Variants in GRIP1 observed in about 807,000 individuals in gnomAD.
GRIP1 encodes the protein glutamate receptor-interacting protein 1.
In GRIP1, 45 loss-of-function variants were observed where a neutral mutation model predicts 129.9. The observed-to-expected ratio is 0.35, with a 90% confidence interval of 0.27 to 0.44. The LOEUF is 0.44. GRIP1 is among the 20% of genes least tolerant of loss of function. The probability of loss-of-function intolerance (pLI) is 1.00; values close to 1 mark genes in which losing one functional copy is unlikely to be tolerated. For synonymous variants in GRIP1, 530 were observed against 520.8 expected, an observed-to-expected ratio of 1.02 and a Z score of -0.24; for missense variants, 1,196 against 1,396.8, an observed-to-expected ratio of 0.86 and a Z score of 2.29.
chr12:66,528,243 T>G (rs1592493285), intron 5 of GRIP1, among the ~76,000 whole-genome samples: 1 of 150,764 alleles, frequency 6.6e-6, no homozygotes, highest in African/African-American at 2.4e-5. Context: ...CACACCATTC[T>G]CCTGCCTCAG....
At chr12:66,777,370 C>T (rs1446809145) in intron 1 of GRIP1, among the ~76,000 whole-genome samples, 3 of 152,106 alleles carry the variant, frequency 2.0e-5, no homozygotes, top group Non-Finnish European at 4.4e-5. Flanking sequence ...TAACTAACCC[C>T]CTTGAATCCT....
chr12:66,653,503 T>C (rs944569890), intron 1 of GRIP1, among the ~76,000 whole-genome samples: 1 of 152,206 alleles, frequency 6.6e-6, no homozygotes, highest in African/African-American at 2.4e-5. Context: ...TCTCATGTAG[T>C]AGAATAGAAG....
intron 1 of GRIP1, among the ~76,000 whole-genome samples, chr12:67,052,277 A>G (rs974017448): frequency 9.9e-5 from 15 of 152,218 alleles, no homozygotes; most frequent in African/African-American, 3.6e-4. Flanking sequence ...GGATCTCCAA[A>G]CATCCTGGAA....
chr12:66,834,936 AGG>A lies in GRIP1; in HGVS notation c.58+234112_58+234113del, dbSNP rs57338642. Among the ~76,000 whole-genome samples the A allele has an allele frequency of 4.1e-4, 41 of 99,292 alleles. 1 individual carries two copies. The highest frequency in any genetic ancestry group is 6.7e-4 in the Non-Finnish European group (31 of 46,264). The allele number at this position is 99,292 out of a possible 152,430, so 65.1% of individuals were successfully genotyped here. On this transcript the variant is annotated intron_variant, in intron 1 of 1. Coordinates refer to the GRIP1 transcript ENST00000643019. The stretch of plus-strand genomic sequence containing the variant: ...CAAGACTCGTCTCTTTAAAAAAAAA[AGG>A]GGGGGGGGCAGGAGTAGGGGAGGAA...
intron 1 of GRIP1, among the ~76,000 whole-genome samples, chr12:66,788,287 C>T (rs1422014905): frequency 1.3e-5 from 2 of 150,734 alleles, no homozygotes; most frequent in African/African-American, 2.4e-5. Context: ...ACTTCTGTAG[C>T]TTTCCCTTAA....
chr12:66,438,527 G>C (rs964662357), intron 13 of GRIP1, among the ~76,000 whole-genome samples: 6 of 84,208 alleles, frequency 7.1e-5, no homozygotes, highest in Non-Finnish European at 1.5e-4. Flanking sequence ...TTTTTTTTTT[G>C]CTCTGTTGCC....
chr12:66,531,274 TATATATATATATATATA>T (rs2061452638), intron 4 of GRIP1, among the ~76,000 whole-genome samples: 1 of 12,054 alleles, frequency 8.3e-5, no homozygotes, highest in Admixed American at 8.7e-4. Context: ...TATATATATA[TATATATATATATATATA>T]TATATATATA....
At chr12:66,790,677 G>C (rs139883713) in intron 1 of GRIP1, among the ~76,000 whole-genome samples, 3 of 152,196 alleles carry the variant, frequency 2.0e-5, no homozygotes, top group African/African-American at 7.2e-5. Flanking sequence ...AAAGAGAGAA[G>C]AAAGGTACTG....
At position 67,063,629 on chromosome 12, in the gene GRIP1, AACT is replaced by A. The variant is rs549264581; in HGVS notation, c.58+5418_58+5420del. On this transcript the variant is annotated intron_variant, in intron 1 of 1. Transcript: ENST00000643019. ...TATCATTCTTGTATTTTGTATTACT[AACT>A]ACTATTATAATTTAATTGAAAATAA... Among the ~76,000 whole-genome samples, 75 of 152,288 alleles carry A rather than the reference AACT, an allele frequency of 4.9e-4. 2 individuals are homozygous for A. The South Asian group carries it at 0.015, about 31-fold the overall frequency.
At chr12:66,665,592 G>A (rs1181140536) in intron 1 of GRIP1, among the ~76,000 whole-genome samples, 1 of 152,134 alleles carries the variant, frequency 6.6e-6, no homozygotes, top group African/African-American at 2.4e-5. Flanking sequence ...CATTATGTTT[G>A]TGAGAATCAT....
At chr12:66,686,888 C>G (rs1401720094) in intron 1 of GRIP1, among the ~76,000 whole-genome samples, 1 of 151,960 alleles carries the variant, frequency 6.6e-6, no homozygotes, top group Non-Finnish European at 1.5e-5. Flanking sequence ...GAGACCTTGT[C>G]TCTACCAAAA....
At chr12:66,550,807 G>T (rs961015396) in intron 2 of GRIP1, among the ~76,000 whole-genome samples, 8 of 152,142 alleles carry the variant, frequency 5.3e-5, no homozygotes, top group African/African-American at 2.4e-5. Flanking sequence ...TCAGAAACAG[G>T]AAATGGCTCA....
At chr12:66,765,244 C>T (rs773136716) in intron 1 of GRIP1, among the ~76,000 whole-genome samples, 3 of 152,076 alleles carry the variant, frequency 2.0e-5, no homozygotes, top group Non-Finnish European at 4.4e-5. Flanking sequence ...AAGATGACCT[C>T]GGAGTCATTT....
chr12:66,572,861 G>A (rs2063010140), intron 2 of GRIP1, among the ~76,000 whole-genome samples: 1 of 152,084 alleles, frequency 6.6e-6, no homozygotes, highest in African/African-American at 2.4e-5. Context: ...GGTATGCCAT[G>A]GAGGACGGTG....
chr12:66,446,901 C>G (rs1250414491), intron 11 of GRIP1, among the ~76,000 whole-genome samples: 1 of 152,178 alleles, frequency 6.6e-6, no homozygotes, highest in African/African-American at 2.4e-5. Context: ...TGATCACATA[C>G]CCTTTATTAG....
At chr12:67,046,203 C>T (rs191709878) in intron 1 of GRIP1, among the ~76,000 whole-genome samples, 30 of 152,302 alleles carry the variant, frequency 2.0e-4, no homozygotes, top group Non-Finnish European at 4.1e-4. Context: ...TCCTCACCTC[C>T]TGCCCCTATG....
At chr12:66,352,815 T>A (rs1391845829) in intron 24 of GRIP1, among the ~76,000 whole-genome samples, 2 of 149,258 alleles carry the variant, frequency 1.3e-5, no homozygotes, top group African/African-American at 2.5e-5. Flanking sequence ...CAAATTGCAT[T>A]CTGGCTGGGT....
In GRIP1 at chr12:66,606,464, T is replaced by C. The variant is rs189534990; in HGVS notation, c.56-9537A>G. 2.0e-5 allele frequency among the ~76,000 whole-genome samples: 3 copies of C among 152,302 alleles called. No individual in the cohort carries two copies. The East Asian group carries it at 5.8e-4, about 29-fold the overall frequency. ...CATTCTGAGTTCAGTTTGAGTGTAC[T>C]TCAGTCAACCAGAAGCCTTTTTAAT... On this transcript the variant is annotated intron_variant, in intron 1 of 24. Transcript: ENST00000359742.
chr12:66,534,337 T>A (rs2061547234), intron 4 of GRIP1, among the ~76,000 whole-genome samples: 1 of 152,186 alleles, frequency 6.6e-6, no homozygotes, highest in Admixed American at 6.5e-5. Context: ...CTCCTTTAAC[T>A]CTACTAATGC....
Sources: allele counts gnomAD v4.1 joint callset (sites outside exome capture counted in the v4.1 genomes callset), GRCh38; gene constraint gnomAD v4.1.1; transcripts MANE v1.5; gene names NCBI Gene and HGNC (gene_info 2026-07-23, HGNC 2026-07-21).